Variants in ASPHD1 observed in about 807,000 individuals in gnomAD.
The protein encoded by ASPHD1 is aspartate beta-hydroxylase domain-containing protein 1.
ASPHD1 carries 20 observed loss-of-function variants against 28.3 expected under a neutral mutation model. That is an observed-to-expected ratio of 0.71 (90% CI 0.50 to 1.03). The LOEUF is 1.03. Among genes scored for constraint, ASPHD1 ranks in the 50% least tolerant of loss-of-function variants. The probability of loss-of-function intolerance (pLI) is 0.00; values close to 1 mark genes in which losing one functional copy is unlikely to be tolerated. For synonymous variants in ASPHD1, 240 were observed against 221.2 expected (o/e 1.08, Z -0.75); for missense variants, 479 against 524.1 (o/e 0.91, Z 0.84).
chr16:29,911,007 C>A, downstream of ASPHD1: 1 of 1,614,134 alleles, frequency 6.2e-7, no homozygotes, highest in Non-Finnish European at 8.5e-7. Flanking sequence ...GTAGCATAGA[C>A]AATGGAGGTG....
At chr16:29,909,140 T>C (rs1226720508), downstream of ASPHD1, among the ~76,000 whole-genome samples, 1 of 152,158 alleles carries the variant, frequency 6.6e-6, no homozygotes, top group Non-Finnish European at 1.5e-5. Flanking sequence ...GAAAAAGACA[T>C]GGCCCTGCCC....
At chr16:29,910,314 C>G (rs192943861), downstream of ASPHD1, among the ~76,000 whole-genome samples, 77 of 152,122 alleles carry the variant, frequency 5.1e-4, no homozygotes, top group East Asian at 0.011. Context: ...AGAAGAATCG[C>G]TTGAACCTGG....
At chr16:29,902,763 C>T (rs2068564687) in intron 1 of ASPHD1, among the ~76,000 whole-genome samples, 1 of 152,060 alleles carries the variant, frequency 6.6e-6, no homozygotes, top group African/African-American at 2.4e-5. Flanking sequence ...GATCAATCCG[C>T]CTCGGCCTCC....
chr16:29,918,245 A>G (rs1246086109), intron 3 of ASPHD1, among the ~76,000 whole-genome samples: 1 of 152,230 alleles, frequency 6.6e-6, no homozygotes, highest in African/African-American at 2.4e-5. Flanking sequence ...GTGGCCAAAT[A>G]CCATATGCAT....
At chr16:29,913,121 ATTTTTTTTTTT>A (rs35756092) in intron 3 of ASPHD1, 1 of 126,920 alleles carries the variant, frequency 7.9e-6, no homozygotes, top group African/African-American at 3.0e-5. Context: ...TACTGAGGCC[ATTTTTTTTTTT>A]TTTTTTTTTT....
chr16:29,904,839 T>A lies in ASPHD1; in HGVS notation c.950-13T>A. ...GAGGCAGGAGTGCTGGATGCCCGCG[T>A]CTCTTCTTACAGGCCTAAAGATCCC... On this transcript the variant is annotated splice_polypyrimidine_tract_variant and intron_variant, in intron 1 of 2. Coordinates refer to ENST00000308748, the MANE Select transcript of ASPHD1 (RefSeq NM_181718.4). The A allele has an allele frequency of 6.3e-7, 1 of 1,598,720 alleles. No individual in the cohort carries two copies. The highest frequency in any genetic ancestry group is 1.1e-5 in the South Asian group (1 of 89,826).
chr16:29,918,122 G>A (rs1238235957), intron 3 of ASPHD1, among the ~76,000 whole-genome samples: 1 of 152,236 alleles, frequency 6.6e-6, no homozygotes, highest in Non-Finnish European at 1.5e-5. Context: ...ATAATCTCAT[G>A]TAATAATGTT....
Position 29,900,885 on chromosome 16 carries a change from G to C in ASPHD1, c.-87G>C. 2 of 1,189,530 alleles carry C rather than the reference G, an allele frequency of 1.7e-6. No homozygotes were observed. Among genetic ancestry groups the C allele is most frequent in the South Asian group, 2.8e-5 (2 of 71,982 alleles). 73.7% of individuals were successfully genotyped at this position (1,189,530 alleles called of 1,614,324 possible). ...AGGCTGCTGGAAGGAGAAAGAAGAG[G>C]GTGAGGAGGCGACAGAGGGAGAGGA... is the stretch of plus-strand genomic sequence containing the variant. On this transcript the variant is annotated 5_prime_UTR_variant, in exon 1 of 3. Transcript: ENST00000308748.
intron 1 of ASPHD1, among the ~76,000 whole-genome samples, chr16:29,904,451 A>C (rs985846337): frequency 3.3e-5 from 5 of 151,734 alleles, no homozygotes; most frequent in African/African-American, 7.3e-5. Context: ...TCTCAAAAAA[A>C]AAAACAAAAC....
chr16:29,901,086 A>G lies in ASPHD1; in HGVS notation c.115A>G (p.Met39Val), dbSNP rs1239512037. ...NSPAGSQGAA[M>V]EGTGGELGGQ... ...TCCAGCGGGGAGCCAGGGGGCAGCC[A>G]TGGAAGGGACAGGTGGGGAGCTGGG... The change falls in exon 1 of 3, where the codon ATG becomes GTG. Residue 39 changes from methionine to valine, a missense_variant. Coordinates refer to ENST00000308748, the MANE Select transcript of ASPHD1 (RefSeq NM_181718.4). This position sits in a 1 kb window ranked among gnomAD's most constrained non-coding sequence, Gnocchi z 5.1. 6.2e-7 allele frequency: 1 copy of G among 1,609,718 alleles called. No homozygotes were observed. The highest frequency in any genetic ancestry group is 2.2e-5 in the East Asian group (1 of 44,716).
At chr16:29,915,803 A>G (rs567483595) in intron 3 of ASPHD1, among the ~76,000 whole-genome samples, 9 of 152,224 alleles carry the variant, frequency 5.9e-5, no homozygotes, top group African/African-American at 2.2e-4. Flanking sequence ...GGACTTTTTC[A>G]TCACATCCTC....
intron 1 of ASPHD1, among the ~76,000 whole-genome samples, chr16:29,902,887 T>C (rs146894922): frequency 2.1e-5 from 3 of 139,822 alleles, no homozygotes; most frequent in South Asian, 2.2e-4. Context: ...TTTTTTCTTT[T>C]TCTTTTTTTT....
chr16:29,906,148 CTT>C (rs770827164), downstream of ASPHD1: 1,102 of 176,582 alleles, frequency 6.2e-3, no homozygotes, highest in South Asian at 0.017. Flanking sequence ...TTTTTTCTTT[CTT>C]TTTTTTTTTT....
At position 29,901,678 on chromosome 16, in the gene ASPHD1, C is replaced by G. The variant is rs749306614; in HGVS notation, c.707C>G (p.Pro236Arg). 1.9e-6 allele frequency: 3 copies of G among 1,585,226 alleles called. No homozygotes were observed. Among genetic ancestry groups the G allele is most frequent in the Non-Finnish European group, 2.6e-6 (3 of 1,170,526 alleles). The part of the protein sequence containing the change: ...AVSWDFSGTT[P>R]PPRGWSPPLA... The stretch of plus-strand genomic sequence containing the variant: ...AGCTGGGACTTCTCAGGGACTACCC[C>G]TCCGCCTCGGGGCTGGTCCCCACCT... Residue 236 changes from proline to arginine, a missense_variant, in exon 1 of 3, where the codon CCT (proline) becomes CGT (arginine). Coordinates refer to ENST00000308748, the MANE Select transcript of ASPHD1 (RefSeq NM_181718.4). The surrounding 1 kb of genome is among the most constrained non-coding windows in gnomAD (Gnocchi z 5.1).
At chr16:29,905,267 T>C (rs1326857348) in intron 2 of ASPHD1, 4 of 285,778 alleles carry the variant, frequency 1.4e-5, no homozygotes, top group Non-Finnish European at 2.0e-5. Flanking sequence ...TCCTTATGCC[T>C]CTGTTGCTTT....
chr16:29,911,722 G>GC, intron 3 of ASPHD1: 5 of 1,352,462 alleles, frequency 3.7e-6, no homozygotes, highest in Admixed American at 1.9e-5. Context: ...GTTCTTGTAG[G>GC]CCCCCCGTGT....
downstream of ASPHD1, chr16:29,906,061 C>T (rs963897980): frequency 1.1e-5 from 6 of 522,690 alleles, no homozygotes; most frequent in South Asian, 5.7e-5. Flanking sequence ...TCCTAACTCC[C>T]GACTACTTCC....
downstream of ASPHD1, chr16:29,911,017 G>A (rs148631517): frequency 1.9e-6 from 3 of 1,614,182 alleles, no homozygotes; most frequent in Non-Finnish European, 2.5e-6. Flanking sequence ...CAATGGAGGT[G>A]CAGCACACCT....
intron 3 of ASPHD1, chr16:29,912,091 C>G: frequency 1.5e-6 from 2 of 1,327,472 alleles, no homozygotes; most frequent in Non-Finnish European, 2.1e-6. Context: ...CAACCAAAGG[C>G]CACGTACTCC....
Sources: allele counts gnomAD v4.1 joint callset (sites outside exome capture counted in the v4.1 genomes callset), GRCh38; gene constraint gnomAD v4.1.1; non-coding constraint Gnocchi (gnomAD v3.1); transcripts MANE v1.5; gene names NCBI Gene and HGNC (gene_info 2026-07-23, HGNC 2026-07-21).